KIF5A: variants seen among roughly 807,000 people sequenced by gnomAD.
KIF5A encodes the protein kinesin family member 5A, also known as kinesin heavy chain isoform 5A.
A neutral mutation model predicts 141.3 loss-of-function variants in KIF5A; 35 were observed. That is an observed-to-expected ratio of 0.25 (90% CI 0.19 to 0.33). The LOEUF is 0.33. Ranked by LOEUF, KIF5A falls within the 10% of genes least tolerant of loss-of-function variation. The pLI, the probability that KIF5A is intolerant of heterozygous loss-of-function variation, is 1.00. For synonymous variants in KIF5A, 448 were observed against 500.2 expected, an observed-to-expected ratio of 0.90 and a Z score of 1.39; for missense variants, 861 against 1,314.3, an observed-to-expected ratio of 0.66 and a Z score of 5.33.
chr12:57,559,938 C>T lies in KIF5A; in HGVS notation c.130-3501C>T, dbSNP rs143359880. On this transcript the variant is annotated intron_variant, in intron 1 of 28. Transcript: ENST00000455537. Reference sequence around the variant, plus strand: ...ACAGAGTTGCACTTTGCTGCTCAGGCTGGAGTGCGGTGGCGCGATCTCGGC... The same window carrying T: ...ACAGAGTTGCACTTTGCTGCTCAGGTTGGAGTGCGGTGGCGCGATCTCGGC... Among the ~76,000 whole-genome samples the T allele has an allele frequency of 5.3e-5, 8 of 152,322 alleles. No homozygotes were observed. In the East Asian group the frequency reaches 1.5e-3, roughly 29 times the overall value.
intron 12 of KIF5A, 66 bp downstream of exon 12, chr12:57,570,228 ATCGCT>A: frequency 1.9e-5 from 28 of 1,457,294 alleles, no homozygotes; most frequent in Non-Finnish European, 2.7e-5. Context: ...ATCAAAGAAA[ATCGCT>A]TATATTGCCT....
At position 57,550,332 on chromosome 12, in the gene KIF5A, C is replaced by A; in HGVS notation, c.61C>A (p.Gln21Lys). 1 of 1,614,212 alleles carries A rather than the reference C, an allele frequency of 6.2e-7. No homozygotes were observed. Among genetic ancestry groups the A allele is most frequent in the Non-Finnish European group, 8.5e-7 (1 of 1,180,016 alleles). Residue 21 changes from glutamine to lysine, a missense_variant, in exon 1 of 29, where the codon CAG (glutamine) becomes AAG (lysine). Physicochemically the swap from Gln to Lys is moderately conservative, Grantham distance 53. This residue lies in a region of KIF5A where 59 missense variants were observed against 81.1 expected (regional missense o/e 0.73). Transcript: ENST00000455537. The surrounding 1 kb of genome is among the most constrained non-coding windows in gnomAD (Gnocchi z 4.6). ...GCTCTGCCGATTCCGGCCCCTGAACCAGGCTGAGATTCTGCGGGGAGACAA... is the reference window on the plus strand; with the variant it reads ...GCTCTGCCGATTCCGGCCCCTGAACAAGGCTGAGATTCTGCGGGGAGACAA... ...KVLCRFRPLNQAEILRGDKFI... is the reference protein window; with the variant it reads ...KVLCRFRPLNKAEILRGDKFI...
intron 5 of KIF5A, among the ~76,000 whole-genome samples, 163 bp from the exon 6 acceptor site, chr12:57,564,755 A>G (rs1416929183): frequency 6.6e-6 from 1 of 152,132 alleles, no homozygotes; most frequent in African/African-American, 2.4e-5. Context: ...TGAGGAGGAG[A>G]AGGAGGAGGA....
rs763862370 is a variant in KIF5A, at chr12:57,576,393, G to A, written c.2198+15G>A. 31 of 1,600,914 alleles carry A rather than the reference G, an allele frequency of 1.9e-5. No homozygotes were observed. Among genetic ancestry groups the A allele is most frequent in the Admixed American group, 5.0e-5 (3 of 59,930 alleles). The stretch of plus-strand genomic sequence containing the variant: ...GAGCTCAAAGAGTAAGGGTTCCCAA[G>A]GGCGACTCCAGCCCCTCCCGGGTCC... On this transcript the variant is annotated intron_variant, in intron 19 of 28. Coordinates refer to ENST00000455537, the MANE Select transcript of KIF5A (RefSeq NM_004984.4).
chr12:57,569,086 C>T lies in KIF5A; in HGVS notation c.819+19C>T, dbSNP rs1882161477. 4 of 1,593,042 alleles carry T rather than the reference C, an allele frequency of 2.5e-6. No homozygotes were observed. In the East Asian group the frequency reaches 6.7e-5, roughly 27 times the overall value. On this transcript the variant is annotated intron_variant, in intron 9 of 28. Transcript: ENST00000455537. ...GGGCACTGTGAGTGATCCTTAGGTC[C>T]CCTCACCCCTCAAGCCACACCCCAT...
At chr12:57,551,892 CTCTCT>C in intron 1 of KIF5A, among the ~76,000 whole-genome samples, 1 of 152,082 alleles carries the variant, frequency 6.6e-6, no homozygotes, top group African/African-American at 2.4e-5. Flanking sequence ...CTCTCTCTCT[CTCTCT>C]CTCTCTCTCT....
chr12:57,560,728 A>G (rs1881882488), intron 1 of KIF5A, among the ~76,000 whole-genome samples: 1 of 152,046 alleles, frequency 6.6e-6, no homozygotes, highest in Admixed American at 6.6e-5. Flanking sequence ...AAGGCGGGGC[A>G]TGGTGGCTCA....
Position 57,575,666 on chromosome 12 carries a change from G to T in KIF5A, c.1932G>T (p.Thr644=), listed in dbSNP as rs370644634. 2 of 1,614,010 alleles carry T rather than the reference G, an allele frequency of 1.2e-6. No individual in the cohort carries two copies. The highest frequency in any genetic ancestry group is 1.6e-4 in the Middle Eastern group (1 of 6,084). ...ATGAGGCCAAGATCCGCTCGCTTACGGAATACATGCAGAGCGTGGAGCTAA... is the reference window on the plus strand; with the variant it reads ...ATGAGGCCAAGATCCGCTCGCTTACTGAATACATGCAGAGCGTGGAGCTAA... ...SQHEAKIRSL[T]EYMQSVELKK... Residue 644 remains threonine (T), a synonymous_variant, in exon 17 of 29, where the codon ACG becomes ACT. Coordinates refer to ENST00000455537, the MANE Select transcript of KIF5A (RefSeq NM_004984.4).
chr12:57,552,279 T>C (rs901622621), intron 1 of KIF5A, among the ~76,000 whole-genome samples: 1 of 151,950 alleles, frequency 6.6e-6, no homozygotes, highest in South Asian at 2.1e-4. Context: ...GGGGGTGATG[T>C]TGGTAAGAGG....
chr12:57,583,168 G>C lies in KIF5A; in HGVS notation c.3088G>C (p.Ala1030Pro). The C allele has an allele frequency of 6.2e-7, 1 of 1,613,844 alleles. No homozygotes were observed. Among genetic ancestry groups the C allele is most frequent in the Non-Finnish European group, 8.5e-7 (1 of 1,179,868 alleles). ...GCTTTTCCCTCTCCACCAAGAGACA[G>C]CAGCCAGCTAATCTCCCACACCCAC... Reference protein sequence around the residue: ...AKLFPLHQETAAS With the variant: ...AKLFPLHQETPAS The change falls in exon 28 of 29, where the codon GCA becomes CCA. Residue 1030 changes from alanine (A) to proline (P), a missense_variant. By Grantham distance (27) the Ala-to-Pro change is conservative. This residue lies in a region of KIF5A where 482 missense variants were observed against 661.3 expected (regional missense o/e 0.73). Transcript: ENST00000455537.
At position 57,565,082 on chromosome 12, in the gene KIF5A, A is replaced by G. The variant is rs561387994; in HGVS notation, c.501+109A>G. On this transcript the variant is annotated intron_variant, in intron 6 of 28. Coordinates refer to ENST00000455537, the MANE Select transcript of KIF5A (RefSeq NM_004984.4). ...GTTGGAGGGTGGATATCCTGGAGGA[A>G]TGAGATGTGCCTAGGGGCCAGGGAG... 7.5e-5 allele frequency: 74 copies of G among 982,862 alleles called. No homozygotes were observed. In the South Asian group the frequency reaches 9.5e-4, roughly 13 times the overall value. 60.9% of individuals were successfully genotyped at this position (982,862 alleles called of 1,614,324 possible).
chr12:57,570,192 A>G (rs1594917810), intron 12 of KIF5A, 30 bp downstream of exon 12: 2 of 1,608,276 alleles, frequency 1.2e-6, no homozygotes, highest in East Asian at 4.5e-5. Context: ...GCACTGAGGC[A>G]CGCCAGGTGG....
At chr12:57,574,464 G>T (rs1882358681) in intron 15 of KIF5A, among the ~76,000 whole-genome samples, 1 of 151,966 alleles carries the variant, frequency 6.6e-6, no homozygotes, top group Non-Finnish European at 1.5e-5. Context: ...AGTAGAGAGA[G>T]GGTTTCACCA....
intron 9 of KIF5A, 73 bp downstream of exon 9, chr12:57,569,140 A>C: frequency 2.6e-6 from 4 of 1,549,994 alleles, no homozygotes; most frequent in South Asian, 1.1e-5. Flanking sequence ...ATGCCACCAT[A>C]TGATCATGCC....
At chr12:57,556,059 A>G (rs1278029073) in intron 1 of KIF5A, among the ~76,000 whole-genome samples, 2 of 152,104 alleles carry the variant, frequency 1.3e-5, no homozygotes, top group Non-Finnish European at 1.5e-5. Context: ...AGGCCTTCCC[A>G]GAACTCCTGA....
In KIF5A at chr12:57,561,206, A is replaced by C. The variant is rs549649295; in HGVS notation, c.130-2233A>C. 5.9e-5 allele frequency among the ~76,000 whole-genome samples: 9 copies of C among 151,636 alleles called. No homozygotes were observed. In the South Asian group the frequency reaches 1.9e-3, roughly 32 times the overall value. On this transcript the variant is annotated intron_variant, in intron 1 of 28. Transcript: ENST00000455537. Reference sequence around the variant, plus strand: ...AGGTGTGCACCACCACACCCAGCTAATTTTTGTATTTTTTGTAGAGATGGG... The same window carrying C: ...AGGTGTGCACCACCACACCCAGCTACTTTTTGTATTTTTTGTAGAGATGGG...
rs1263185885 is a variant in KIF5A at position 57,575,101 on chromosome 12, G to T, written c.1734G>T (p.Gly578=). Residue 578 remains glycine (G), a synonymous_variant, in exon 16 of 29, where the codon GGG becomes GGT. Transcript: ENST00000455537. ...CACCTTAGCCAGTGGAGATCAGTGGGGCCATCGAGGAGGAGTTCACTGTGG... is the reference window on the plus strand; with the variant it reads ...CACCTTAGCCAGTGGAGATCAGTGGTGCCATCGAGGAGGAGTTCACTGTGG... ...GEIKLPVEIS[G]AIEEEFTVAR... is the part of the protein sequence containing the mutation. 1 of 1,614,064 alleles carries T rather than the reference G, an allele frequency of 6.2e-7. No homozygotes were observed. The highest frequency in any genetic ancestry group is 8.5e-7 in the Non-Finnish European group (1 of 1,179,972).
At chr12:57,578,466 T>A in intron 23 of KIF5A, 124 bp downstream of exon 23, 2 of 722,164 alleles carry the variant, frequency 2.8e-6, no homozygotes, top group Admixed American at 4.0e-5. Context: ...TCGCTTTTAC[T>A]TTCCCTACTA....
chr12:57,569,959 T>A (rs1301258731), intron 11 of KIF5A, 28 bp from the exon 12 acceptor site: 1 of 1,609,628 alleles, frequency 6.2e-7, no homozygotes, highest in Non-Finnish European at 8.5e-7. Context: ...TCTTCTTCCA[T>A]CTCTCACCTC....
Sources: allele counts gnomAD v4.1 joint callset (sites outside exome capture counted in the v4.1 genomes callset), GRCh38; gene constraint gnomAD v4.1.1; regional missense constraint gnomAD v4.1.1; non-coding constraint Gnocchi (gnomAD v3.1); transcripts MANE v1.5; gene names NCBI Gene and HGNC (gene_info 2026-07-23, HGNC 2026-07-21).